Variants in PLPP1 observed in about 807,000 individuals in gnomAD.
PLPP1 encodes lipid phosphate phosphohydrolase 1a.
A neutral mutation model predicts 31.2 loss-of-function variants in PLPP1; 24 were observed. The observed-to-expected ratio is 0.77, with a 90% CI of 0.56 to 1.08. The LOEUF is 1.08. PLPP1 is among the 50% of genes least tolerant of loss of function. PLPP1 has a pLI of 0.00. For missense variants in PLPP1, 319 were observed against 342.7 expected, an observed-to-expected ratio of 0.93 and a Z score of 0.55; for synonymous variants, 146 against 126.3, an observed-to-expected ratio of 1.16 and a Z score of -1.05.
chr5:55,451,003 T>C (rs1288808982), intron 3 of PLPP1, among the ~76,000 whole-genome samples: 5 of 152,216 alleles, frequency 3.3e-5, no homozygotes, highest in African/African-American at 1.2e-4. Context: ...AGACTTCTAC[T>C]CTAAGCCCTC....
intron 1 of PLPP1, among the ~76,000 whole-genome samples, chr5:55,510,340 A>C (rs1197312274): frequency 1.3e-5 from 2 of 152,184 alleles, no homozygotes; most frequent in Non-Finnish European, 2.9e-5. Flanking sequence ...TTTATATGAC[A>C]TATAGGATAG....
chr5:55,430,444 G>T (rs1751320451), intron 4 of PLPP1, among the ~76,000 whole-genome samples: 1 of 152,212 alleles, frequency 6.6e-6, no homozygotes, highest in Non-Finnish European at 1.5e-5. Context: ...ATTAAAAACT[G>T]CAACTTAAGC....
At chr5:55,474,578 A>C (rs1752495623) in intron 2 of PLPP1, among the ~76,000 whole-genome samples, 7 of 152,194 alleles carry the variant, frequency 4.6e-5, no homozygotes, top group Admixed American at 3.9e-4. Flanking sequence ...AAATTCTTTC[A>C]TATTCACTAC....
intron 1 of PLPP1, among the ~76,000 whole-genome samples, chr5:55,533,962 G>A (rs1195552468): frequency 6.6e-6 from 1 of 152,108 alleles, no homozygotes; most frequent in East Asian, 1.9e-4. Flanking sequence ...ACCATGGCAA[G>A]GTCTGGGCAG....
rs71600887 is a variant in PLPP1, at chr5:55,513,268, C to CTTTTTTTTTTTTTTTT, written c.58+21303_58+21304insAAAAAAAAAAAAAAAA. 9.4e-5 allele frequency among the ~76,000 whole-genome samples: 11 copies of CTTTTTTTTTTTTTTTT among 117,548 alleles called. 2 individuals carry two copies. Among genetic ancestry groups the CTTTTTTTTTTTTTTTT allele is most frequent in the Admixed American group, 9.8e-5 (1 of 10,204 alleles). 77.1% of individuals were successfully genotyped at this position (117,548 alleles called of 152,430 possible). ...TATAGTATTACTACTATAATGACTC[C>CTTTTTTTTTTTTTTTT]TTTTTTTTTAAGACAGAGTCTTGCT... is the stretch of plus-strand genomic sequence containing the variant. On this transcript the variant is annotated intron_variant, in intron 1 of 5. Coordinates refer to ENST00000307259, the MANE Select transcript of PLPP1 (RefSeq NM_003711.4).
intron 3 of PLPP1, among the ~76,000 whole-genome samples, chr5:55,465,346 A>G (rs890754394): frequency 2.6e-5 from 4 of 151,794 alleles, no homozygotes; most frequent in African/African-American, 9.7e-5. Context: ...CGCCAGCCGT[A>G]CTCCTATAGC....
At chr5:55,530,362 T>C (rs1740616707) in intron 1 of PLPP1, 5 of 1,351,180 alleles carry the variant, frequency 3.7e-6, no homozygotes, top group Admixed American at 1.7e-5. Context: ...AAGTGATTAC[T>C]GTTAGAGTGA....
intron 4 of PLPP1, among the ~76,000 whole-genome samples, chr5:55,436,370 G>C (rs918824153): frequency 6.6e-6 from 1 of 152,144 alleles, no homozygotes; most frequent in South Asian, 2.1e-4. Context: ...AGTCTCACGA[G>C]ATCTGATGGC....
chr5:55,463,589 T>C (rs1752216830), intron 3 of PLPP1, among the ~76,000 whole-genome samples: 1 of 151,998 alleles, frequency 6.6e-6, no homozygotes, highest in East Asian at 1.9e-4. Flanking sequence ...TGAGCCGAGA[T>C]TGTGCCACAG....
chr5:55,484,127 G>C (rs1009686913), intron 1 of PLPP1, among the ~76,000 whole-genome samples: 2 of 152,122 alleles, frequency 1.3e-5, no homozygotes, highest in Admixed American at 6.6e-5. Flanking sequence ...GACATGCCCA[G>C]TCTTAGCAAA....
At chr5:55,440,106 G>C (rs1242272890) in intron 4 of PLPP1, among the ~76,000 whole-genome samples, 1 of 152,148 alleles carries the variant, frequency 6.6e-6, no homozygotes, top group Non-Finnish European at 1.5e-5. Context: ...AAAAATAAAA[G>C]TAGTGTAAAA....
intron 1 of PLPP1, among the ~76,000 whole-genome samples, chr5:55,490,041 G>T (rs1447574253): frequency 6.6e-6 from 1 of 151,158 alleles, no homozygotes; most frequent in Non-Finnish European, 1.5e-5. Flanking sequence ...TCTTAAACTA[G>T]AATGAAAATT....
intron 2 of PLPP1, among the ~76,000 whole-genome samples, chr5:55,469,695 T>G (rs543575186): frequency 6.6e-6 from 1 of 152,162 alleles, no homozygotes. Context: ...GGATCAACTG[T>G]CTTCAGAGTA....
At chr5:55,471,363 A>G (rs1387105647) in intron 2 of PLPP1, among the ~76,000 whole-genome samples, 1 of 151,978 alleles carries the variant, frequency 6.6e-6, no homozygotes, top group African/African-American at 2.4e-5. Context: ...CACCGCACCC[A>G]GCTAAATTTT....
In PLPP1 at chr5:55,424,890, T is replaced by TA; in HGVS notation, c.*315dup. ...CATACATTTTAATATGTATTATATT[T>TA]AAATCAAACATCATTCATAGAAAGC... On this transcript the variant is annotated 3_prime_UTR_variant, in exon 6 of 6. Transcript: ENST00000307259. 1.4e-6 allele frequency: 1 copy of TA among 704,244 alleles called. No individual in the cohort carries two copies. The highest frequency in any genetic ancestry group is 2.4e-6 in the Non-Finnish European group (1 of 414,584). 43.6% of individuals were successfully genotyped at this position (704,244 alleles called of 1,614,324 possible).
At chr5:55,459,888 GAGGATAA>G (rs2111764478) in intron 3 of PLPP1, among the ~76,000 whole-genome samples, 1 of 152,276 alleles carries the variant, frequency 6.6e-6, no homozygotes, top group Admixed American at 6.5e-5. Flanking sequence ...TGAAGAAAAT[GAGGATAA>G]AGACCTTTAG....
intron 1 of PLPP1, among the ~76,000 whole-genome samples, chr5:55,501,186 G>A (rs2111881190): frequency 6.6e-6 from 1 of 152,230 alleles, no homozygotes; most frequent in African/African-American, 2.4e-5. Context: ...AGAGGCGGAT[G>A]CCTGTAATCC....
chr5:55,444,741 T>TGTGTGTGTGTGTGTGTGTG (rs1554037408), intron 3 of PLPP1, among the ~76,000 whole-genome samples: 196 of 6,978 alleles, frequency 0.028, no homozygotes, highest in South Asian at 0.062. Flanking sequence ...TGGGATTCTA[T>TGTGTGTGTGTGTGTGTGTG]TTTGTGTGTG....
intron 4 of PLPP1, among the ~76,000 whole-genome samples, chr5:55,429,754 A>T (rs1751301434): frequency 6.6e-6 from 1 of 152,080 alleles, no homozygotes. Flanking sequence ...GTGCTGCCGC[A>T]GGGCCAAAGT....
Sources: gnomAD v4.1 joint callset for allele counts (sites outside exome capture counted in the v4.1 genomes callset) on GRCh38, gnomAD v4.1.1 for gene constraint, MANE v1.5 for transcripts, NCBI Gene and HGNC (gene_info 2026-07-23, HGNC 2026-07-21) for gene names.